PTPRN2: variants seen among roughly 807,000 people sequenced by gnomAD.
PTPRN2 encodes the protein receptor-type tyrosine-protein phosphatase N2.
PTPRN2 carries 74 observed loss-of-function variants against 118.8 expected under a neutral mutation model. That is an observed-to-expected ratio of 0.62 (90% CI 0.52 to 0.76). The LOEUF (loss-of-function observed/expected upper bound fraction) is 0.76, where lower values mean the gene tolerates loss of function less well. Among genes scored for constraint, PTPRN2 ranks in the 30% least tolerant of loss-of-function variants. The pLI is 0.00. For missense variants in PTPRN2, 1,481 were observed against 1,394.4 expected (o/e 1.06, Z -0.99); for synonymous variants, 641 against 608.0 (o/e 1.05, Z -0.80).
chr7:157,722,724 C>T (rs1239243606), intron 12 of PTPRN2, among the ~76,000 whole-genome samples: 2 of 152,142 alleles, frequency 1.3e-5, no homozygotes, highest in East Asian at 3.9e-4. Context: ...GCCAGCCTCC[C>T]CACACCTGGG....
intron 1 of PTPRN2, among the ~76,000 whole-genome samples, chr7:158,571,116 G>A (rs563640627): frequency 1.3e-5 from 2 of 152,042 alleles, no homozygotes; most frequent in East Asian, 3.8e-4. Flanking sequence ...CTGTGGCAAG[G>A]CTTGGAATAT....
At chr7:157,916,460 A>G (rs1044437494) in intron 11 of PTPRN2, among the ~76,000 whole-genome samples, 3 of 152,372 alleles carry the variant, frequency 2.0e-5, no homozygotes, top group Non-Finnish European at 4.4e-5. Flanking sequence ...ATGTTTTAAC[A>G]CAACAAACTG....
At chr7:158,510,645 G>T (rs1456861468) in intron 1 of PTPRN2, among the ~76,000 whole-genome samples, 1 of 152,106 alleles carries the variant, frequency 6.6e-6, no homozygotes, top group African/African-American at 2.4e-5. Context: ...ATAATTCACA[G>T]ATATCAGAAA....
chr7:158,580,775 G>A (rs142975499), intron 1 of PTPRN2, among the ~76,000 whole-genome samples: 16 of 152,250 alleles, frequency 1.1e-4, no homozygotes, highest in Admixed American at 3.3e-4. Flanking sequence ...AAAACCTGAC[G>A]GAAGCCCAGA....
At chr7:157,595,637 CTGGTGGTT>C (rs1225141198) in intron 16 of PTPRN2, among the ~76,000 whole-genome samples, 9 of 150,520 alleles carry the variant, frequency 6.0e-5, no homozygotes, top group African/African-American at 9.8e-5. Flanking sequence ...GTTAGGAAGC[CTGGTGGTT>C]AGGAAGCCCG....
chr7:157,904,710 T>C (rs574140718), intron 11 of PTPRN2, among the ~76,000 whole-genome samples: 53 of 152,378 alleles, frequency 3.5e-4, no homozygotes, highest in African/African-American at 1.2e-3. Flanking sequence ...CTTTCAGCGA[T>C]GCCTGTCCTT....
At chr7:157,916,759 C>T (rs900703984) in intron 11 of PTPRN2, among the ~76,000 whole-genome samples, 6 of 151,698 alleles carry the variant, frequency 4.0e-5, no homozygotes, top group African/African-American at 1.2e-4. Flanking sequence ...CCACGCACCC[C>T]GGCCACTCCG....
intron 3 of PTPRN2, among the ~76,000 whole-genome samples, chr7:158,277,722 G>C (rs920786231): frequency 2.6e-5 from 4 of 152,150 alleles, no homozygotes; most frequent in African/African-American, 9.7e-5. Flanking sequence ...AACTCTGTAC[G>C]GTCCTCCCTA....
At chr7:158,425,026 A>C (rs897358758) in intron 2 of PTPRN2, among the ~76,000 whole-genome samples, 2 of 152,200 alleles carry the variant, frequency 1.3e-5, no homozygotes, top group African/African-American at 4.8e-5. Context: ...CCATCAGGTG[A>C]CTGTCGGTAA....
chr7:158,257,389 C>A (rs1267046858), intron 3 of PTPRN2, among the ~76,000 whole-genome samples: 1 of 152,172 alleles, frequency 6.6e-6, no homozygotes, highest in Non-Finnish European at 1.5e-5. Context: ...TTCTCCTCAG[C>A]GTTACAATGA....
chr7:157,638,245 CAA>C (rs1804440905), intron 14 of PTPRN2, among the ~76,000 whole-genome samples: 1 of 152,146 alleles, frequency 6.6e-6, no homozygotes. Flanking sequence ...ATGTGCGAGA[CAA>C]AGTTATTGTC....
At chr7:158,182,384 G>A (rs73516580) in intron 5 of PTPRN2, among the ~76,000 whole-genome samples, 33 of 152,112 alleles carry the variant, frequency 2.2e-4, no homozygotes, top group African/African-American at 6.0e-4. Context: ...CGGGATACAC[G>A]TGCAGAACAT....
intron 12 of PTPRN2, among the ~76,000 whole-genome samples, chr7:157,802,444 A>G (rs1805372787): frequency 6.6e-6 from 1 of 152,144 alleles, no homozygotes; most frequent in Admixed American, 6.5e-5. Flanking sequence ...AAGAGCACCC[A>G]CTGGGTCTAT....
chr7:158,476,368 C>T (rs1820263254), intron 2 of PTPRN2, among the ~76,000 whole-genome samples: 1 of 152,236 alleles, frequency 6.6e-6, no homozygotes. Context: ...TACAAAGCCA[C>T]ACCAGATAGC....
chr7:158,393,546 C>T (rs192028542), intron 2 of PTPRN2, among the ~76,000 whole-genome samples: 473 of 152,250 alleles, frequency 3.1e-3, no homozygotes, highest in African/African-American at 0.011. Flanking sequence ...GTCTCAGGCC[C>T]GGCACCTGCT....
intron 11 of PTPRN2, among the ~76,000 whole-genome samples, chr7:157,932,117 A>G (rs1293824766): frequency 6.6e-6 from 1 of 152,210 alleles, no homozygotes; most frequent in Non-Finnish European, 1.5e-5. Flanking sequence ...ATTATTCTGA[A>G]CTATTTGAGA....
chr7:157,676,330 C>CA lies in PTPRN2; in HGVS notation c.2001+6394dup, dbSNP rs1796667179. 1.3e-5 allele frequency among the ~76,000 whole-genome samples: 2 copies of CA among 152,196 alleles called. No individual in the cohort carries two copies. Among genetic ancestry groups the CA allele is most frequent in the African/African-American group, 4.8e-5 (2 of 41,448 alleles). ...CCCGCCAGCCGCCAAGAGCTCCACC[C>CA]ACCACCTGGCCCAGCCCCTCCTCTG... On this transcript the variant is annotated intron_variant, in intron 13 of 22. Transcript: ENST00000389418. The surrounding 1 kb of genome is among the most constrained non-coding windows in gnomAD (Gnocchi z 5.6).
chr7:158,450,213 C>T (rs1818003817), intron 2 of PTPRN2, among the ~76,000 whole-genome samples: 2 of 152,282 alleles, frequency 1.3e-5, no homozygotes, highest in Admixed American at 6.5e-5. Flanking sequence ...GGGAGCCCCA[C>T]CCTCACGGGT....
At chr7:158,334,778 C>G (rs1451158949) in intron 2 of PTPRN2, among the ~76,000 whole-genome samples, 2 of 62,690 alleles carry the variant, frequency 3.2e-5, no homozygotes, top group African/African-American at 5.9e-5. Context: ...CACCCACACT[C>G]TCACCATAGA....
Sources: gnomAD v4.1 joint callset for allele counts (sites outside exome capture counted in the v4.1 genomes callset) on GRCh38, gnomAD v4.1.1 for gene constraint, Gnocchi (gnomAD v3.1) non-coding constraint, MANE v1.5 for transcripts, NCBI Gene and HGNC (gene_info 2026-07-23, HGNC 2026-07-21) for gene names.